PCGF5: variants seen among roughly 807,000 people sequenced by gnomAD.
PCGF5 encodes polycomb group ring finger 5.
Under a neutral mutation model 44.3 loss-of-function variants are expected in PCGF5, and 9 were observed. The ratio of observed to expected loss-of-function variants is 0.20; its 90% confidence interval spans 0.12 to 0.35. PCGF5 has a LOEUF of 0.35. PCGF5 is among the 10% of genes least tolerant of loss of function. The pLI is 1.00. For synonymous variants in PCGF5, 95 were observed against 102.5 expected (o/e 0.93, Z 0.44); for missense variants, 146 against 305.3 (o/e 0.48, Z 3.89).
intron 1 of PCGF5, among the ~76,000 whole-genome samples, chr10:91,202,381 A>G (rs1027622135): frequency 1.7e-4 from 26 of 152,330 alleles, no homozygotes; most frequent in African/African-American, 6.0e-4. Context: ...AAAACCCACC[A>G]TTGTGACCTT....
At chr10:91,207,892 A>G (rs1036543113) in intron 1 of PCGF5, among the ~76,000 whole-genome samples, 4 of 152,170 alleles carry the variant, frequency 2.6e-5, no homozygotes, top group Admixed American at 2.6e-4. Context: ...ATAATGTCAG[A>G]TTATCCCATT....
intron 1 of PCGF5, among the ~76,000 whole-genome samples, chr10:91,168,270 T>C (rs10881894): frequency 0.095 from 14,446 of 151,566 alleles, 1,208 homozygotes; most frequent in African/African-American, 0.21. Context: ...TTGAGGGAGA[T>C]AGGAGGAGGT....
At chr10:91,213,132 T>A (rs940080789) in intron 1 of PCGF5, among the ~76,000 whole-genome samples, 1 of 152,208 alleles carries the variant, frequency 6.6e-6, no homozygotes, top group Admixed American at 6.5e-5. Flanking sequence ...AGCTTGTAAA[T>A]GCTAATAGTT....
intron 2 of PCGF5, among the ~76,000 whole-genome samples, chr10:91,239,080 A>C (rs1845256538): frequency 6.6e-6 from 1 of 152,106 alleles, no homozygotes; most frequent in Non-Finnish European, 1.5e-5. Flanking sequence ...CACTTTATTT[A>C]AAATAGCTGC....
intron 1 of PCGF5, among the ~76,000 whole-genome samples, chr10:91,186,982 A>C (rs1477794128): frequency 1.3e-5 from 2 of 152,178 alleles, no homozygotes; most frequent in Non-Finnish European, 2.9e-5. Context: ...ATGTGCACAG[A>C]AATACTGGGA....
intron 6 of PCGF5, among the ~76,000 whole-genome samples, chr10:91,255,107 A>G (rs1308851420): frequency 1.3e-5 from 2 of 151,992 alleles, no homozygotes; most frequent in African/African-American, 4.8e-5. Flanking sequence ...CGGAGACCCC[A>G]CTTACAAGAT....
intron 3 of PCGF5, among the ~76,000 whole-genome samples, chr10:91,243,416 G>C (rs1336661349): frequency 6.6e-6 from 1 of 152,170 alleles, no homozygotes; most frequent in African/African-American, 2.4e-5. Flanking sequence ...TTCATTAGAA[G>C]CCTAAATTGC....
Position 91,240,530 on chromosome 10 carries a change from C to T in PCGF5, c.159C>T (p.Cys53=). 6.2e-7 allele frequency: 1 copy of T among 1,611,744 alleles called. No homozygotes were observed. The change falls in exon 3 of 10, where the codon TGC becomes TGT. Residue 53 remains cysteine, a synonymous_variant. Coordinates refer to ENST00000336126, the MANE Select transcript of PCGF5 (RefSeq NM_032373.5). ...IVQHFEDSND[C]PRCGNQVHET... ...AGCACTTTGAAGATAGCAATGATTG[C>T]CCAAGGTGTGGCAACCAAGTTCATG... is the stretch of plus-strand genomic sequence containing the variant.
At chr10:91,170,102 A>T (rs894180266) in intron 1 of PCGF5, among the ~76,000 whole-genome samples, 4 of 152,258 alleles carry the variant, frequency 2.6e-5, no homozygotes, top group Non-Finnish European at 5.9e-5. Context: ...ATCTAGACAC[A>T]GACTTCACCC....
At chr10:91,164,750 C>G (rs1453832476) in intron 1 of PCGF5, among the ~76,000 whole-genome samples, 3 of 152,172 alleles carry the variant, frequency 2.0e-5, no homozygotes, top group African/African-American at 4.8e-5. Flanking sequence ...TAAGACTCAC[C>G]TCAAACGGCA....
At chr10:91,202,023 C>A (rs565823653) in intron 1 of PCGF5, among the ~76,000 whole-genome samples, 3 of 152,222 alleles carry the variant, frequency 2.0e-5, no homozygotes, top group Admixed American at 6.5e-5. Context: ...TATATCCAAG[C>A]CTTGCATTTT....
chr10:91,172,548 T>C (rs1164124228), intron 1 of PCGF5, among the ~76,000 whole-genome samples: 1 of 152,226 alleles, frequency 6.6e-6, no homozygotes, highest in East Asian at 1.9e-4. Flanking sequence ...AATAAATGAC[T>C]CCACATCTGT....
chr10:91,222,762 G>A lies in PCGF5; in HGVS notation c.-110G>A, dbSNP rs982097471. 8.5e-6 allele frequency: 5 copies of A among 591,662 alleles called. No homozygotes were observed. In the East Asian group the frequency reaches 1.5e-4, roughly 17 times the overall value. The allele number at this position is 591,662 out of a possible 1,614,324, so 36.7% of individuals were successfully genotyped here. On this transcript the variant is annotated 5_prime_UTR_variant, in exon 2 of 10. It removes an upstream start codon present in the reference 5' UTR. Transcript: ENST00000336126. ...GATAAATCTGGATGCTAGTTCTCAT[G>A]CCTCAGGACATCCTACTGGGAACGA...
At chr10:91,185,770 T>G (rs774384197) in intron 1 of PCGF5, among the ~76,000 whole-genome samples, 2 of 152,146 alleles carry the variant, frequency 1.3e-5, no homozygotes, top group Non-Finnish European at 2.9e-5. Flanking sequence ...GTGGGGCAAG[T>G]GTGGTTTCCT....
chr10:91,183,560 T>C (rs1184134655), intron 1 of PCGF5, among the ~76,000 whole-genome samples: 2 of 152,194 alleles, frequency 1.3e-5, no homozygotes, highest in Non-Finnish European at 2.9e-5. Context: ...ATTTAGCCCA[T>C]TTGCATTTAA....
chr10:91,211,902 G>A (rs1288021310), intron 1 of PCGF5, among the ~76,000 whole-genome samples: 1 of 152,176 alleles, frequency 6.6e-6, no homozygotes, highest in African/African-American at 2.4e-5. Context: ...AGAGCAAAGT[G>A]GTCTGGAAGG....
rs57050045 is a variant in PCGF5, at chr10:91,221,723, T to TA, written c.-184+902dup. ...TCTGAGAGGATACATATTTTACAGT[T>TA]AAAAAAAAAAAAAAACCTGAGACAG... On this transcript the variant is annotated intron_variant, in intron 1 of 9. Transcript: ENST00000336126. 5.5e-3 allele frequency among the ~76,000 whole-genome samples: 786 copies of TA among 144,114 alleles called. 5 individuals carry two copies. Among genetic ancestry groups the TA allele is most frequent in the Middle Eastern group, 0.018 (5 of 280 alleles). 94.5% of individuals were successfully genotyped at this position (144,114 alleles called of 152,430 possible).
intron 3 of PCGF5, among the ~76,000 whole-genome samples, chr10:91,241,309 T>C (rs529815063): frequency 6.6e-5 from 10 of 152,200 alleles, no homozygotes; most frequent in African/African-American, 2.4e-4. Flanking sequence ...CCTCAGGTGA[T>C]CTGCCTGCCT....
chr10:91,254,344 T>C (rs907349427), intron 6 of PCGF5, among the ~76,000 whole-genome samples: 15 of 152,038 alleles, frequency 9.9e-5, no homozygotes, highest in Non-Finnish European at 2.9e-5. Flanking sequence ...GCGTGTTCTT[T>C]CCTCTTCCAC....
Sources: allele counts gnomAD v4.1 joint callset (sites outside exome capture counted in the v4.1 genomes callset), GRCh38; gene constraint gnomAD v4.1.1; transcripts MANE v1.5; gene names NCBI Gene and HGNC (gene_info 2026-07-23, HGNC 2026-07-21).